KALRN: variants seen among roughly 807,000 people sequenced by gnomAD.
The protein encoded by KALRN is kalirin RhoGEF kinase, also known as kalirin.
A neutral mutation model predicts 353.7 loss-of-function variants in KALRN; 70 were observed. The ratio of observed to expected loss-of-function variants is 0.20; its 90% confidence interval spans 0.16 to 0.24. The LOEUF (loss-of-function observed/expected upper bound fraction) is 0.24, where lower values mean the gene tolerates loss of function less well. KALRN is among the 10% of genes least tolerant of loss of function. The probability of loss-of-function intolerance (pLI) is 1.00; values close to 1 mark genes in which losing one functional copy is unlikely to be tolerated. For missense variants in KALRN, 2,791 were observed against 3,756.7 expected, an observed-to-expected ratio of 0.74 and a Z score of 6.72; for synonymous variants, 1,391 against 1,434.8, an observed-to-expected ratio of 0.97 and a Z score of 0.69.
chr3:124,144,554 ATCC>A (rs898679699), intron 1 of KALRN, among the ~76,000 whole-genome samples: 5 of 120,714 alleles, frequency 4.1e-5, no homozygotes, highest in Non-Finnish European at 7.1e-5. Flanking sequence ...CTTCCTCATC[ATCC>A]TCCTCCTCCT....
At chr3:124,587,633 T>C (rs1478767151) in intron 34 of KALRN, among the ~76,000 whole-genome samples, 3 of 151,898 alleles carry the variant, frequency 2.0e-5, no homozygotes, top group Non-Finnish European at 2.9e-5. Context: ...ACTGAACTTA[T>C]CTTTTGATTT....
intron 6 of KALRN, among the ~76,000 whole-genome samples, chr3:124,303,703 T>C (rs896658670): frequency 4.6e-5 from 7 of 152,244 alleles, no homozygotes; most frequent in Admixed American, 4.6e-4. Context: ...CTATTATGAC[T>C]GTGAGGATTC....
At chr3:124,411,141 G>A (rs2092115111) in intron 13 of KALRN, among the ~76,000 whole-genome samples, 1 of 152,018 alleles carries the variant, frequency 6.6e-6, no homozygotes, top group African/African-American at 2.4e-5. Flanking sequence ...TCTAGAATAG[G>A]CAAAACTACA....
intron 13 of KALRN, among the ~76,000 whole-genome samples, chr3:124,411,977 AC>A (rs2092200813): frequency 6.6e-6 from 1 of 152,098 alleles, no homozygotes; most frequent in East Asian, 1.9e-4. Flanking sequence ...TGAAGTGAGA[AC>A]CTAGGGCAGT....
At chr3:124,290,384 T>C (rs2149133577) in intron 5 of KALRN, among the ~76,000 whole-genome samples, 1 of 152,280 alleles carries the variant, frequency 6.6e-6, no homozygotes, top group South Asian at 2.1e-4. Flanking sequence ...CTGGGTTTCA[T>C]CGTGGGTGTC....
intron 39 of KALRN, among the ~76,000 whole-genome samples, chr3:124,656,594 G>C (rs1388770912): frequency 9.2e-5 from 14 of 152,110 alleles, no homozygotes; most frequent in Non-Finnish European, 1.3e-4. Flanking sequence ...CTGGGCGACA[G>C]AGCAAGACTC....
At chr3:124,661,089 A>G (rs938386118) in intron 44 of KALRN, 116 bp downstream of exon 44, 1 of 779,576 alleles carries the variant, frequency 1.3e-6, no homozygotes, top group Non-Finnish European at 2.3e-6. Flanking sequence ...CCTCTCAGAC[A>G]GTAAGAGGCT....
chr3:124,283,855 C>T (rs1181388212), intron 5 of KALRN, among the ~76,000 whole-genome samples: 1 of 152,114 alleles, frequency 6.6e-6, no homozygotes, highest in Admixed American at 6.6e-5. Context: ...GTTTCGCAGT[C>T]TTAGTTTCTC....
At chr3:124,379,557 T>G (rs2087039761) in intron 10 of KALRN, among the ~76,000 whole-genome samples, 1 of 152,210 alleles carries the variant, frequency 6.6e-6, no homozygotes, top group Non-Finnish European at 1.5e-5. Context: ...TAAAATGTAC[T>G]AGGCAGGACC....
At chr3:124,299,234 A>T (rs1266407366) in intron 6 of KALRN, among the ~76,000 whole-genome samples, 3 of 152,180 alleles carry the variant, frequency 2.0e-5, no homozygotes. Flanking sequence ...TTTGGTCCCC[A>T]GCATGTGTGA....
intron 11 of KALRN, among the ~76,000 whole-genome samples, chr3:124,393,772 CA>C (rs1378152469): frequency 6.6e-6 from 1 of 152,178 alleles, no homozygotes; most frequent in Non-Finnish European, 1.5e-5. Context: ...CTCACCTGTA[CA>C]AAAAGGACAT....
At chr3:124,101,608 G>T (rs1488091667) in intron 1 of KALRN, among the ~76,000 whole-genome samples, 2 of 152,196 alleles carry the variant, frequency 1.3e-5, no homozygotes, top group Non-Finnish European at 2.9e-5. Flanking sequence ...TCAAGAGGCA[G>T]CTGGACCTCA....
intron 10 of KALRN, among the ~76,000 whole-genome samples, chr3:124,359,091 A>G: frequency 6.6e-6 from 1 of 152,172 alleles, no homozygotes; most frequent in East Asian, 1.9e-4. Context: ...CTTGCCTCTA[A>G]GATTTTCATC....
At chr3:124,444,905 C>G (rs1384148403) in intron 19 of KALRN, among the ~76,000 whole-genome samples, 1 of 151,866 alleles carries the variant, frequency 6.6e-6, no homozygotes, top group African/African-American at 2.4e-5. Flanking sequence ...GAAAGCCAAA[C>G]TTGGCTGGGG....
At chr3:124,464,375 C>T (rs1336235826) in intron 25 of KALRN, among the ~76,000 whole-genome samples, 2 of 152,218 alleles carry the variant, frequency 1.3e-5, no homozygotes, top group African/African-American at 4.8e-5. Flanking sequence ...AAATAGCTAA[C>T]ATAATCATGC....
chr3:124,051,207 GTC>G, intron 1 of KALRN, among the ~76,000 whole-genome samples: 1 of 152,350 alleles, frequency 6.6e-6, no homozygotes, highest in East Asian at 1.9e-4. Flanking sequence ...ATATGACGCA[GTC>G]TCTGTCTTCA....
intron 1 of KALRN, among the ~76,000 whole-genome samples, chr3:124,070,185 C>T (rs2059946425): frequency 2.0e-5 from 3 of 152,164 alleles, no homozygotes; most frequent in African/African-American, 7.2e-5. Flanking sequence ...CGCTTATGGA[C>T]AGAGACAACT....
Position 124,398,794 on chromosome 3 carries a change from G to C in KALRN, c.2269G>C (p.Glu757Gln). ...QQLDDAQVQMEELFHERKIKL... is the reference protein window; with the variant it reads ...QQLDDAQVQMQELFHERKIKL... ...GCTTGATGATGCCCAGGTGCAGATG[G>C]AGGAGCTGTTCCACGAGCGGAAGAT... Residue 757 changes from glutamate (E) to glutamine (Q), a missense_variant, in exon 13 of 60, where the codon GAG (glutamate) becomes CAG (glutamine). By Grantham distance (29) the Glu-to-Gln change is conservative (BLOSUM62 2). Transcript: ENST00000682506. 1 of 1,614,180 alleles carries C rather than the reference G, an allele frequency of 6.2e-7. No individual in the cohort carries two copies. The highest frequency in any genetic ancestry group is 1.3e-5 in the African/African-American group (1 of 75,048).
rs111472457 is a variant in KALRN at position 124,329,935 on chromosome 3, G to A, written c.1359G>A (p.Glu453=). 1 of 1,613,948 alleles carries A rather than the reference G, an allele frequency of 6.2e-7. No individual in the cohort carries two copies. Among genetic ancestry groups the A allele is most frequent in the East Asian group, 2.2e-5 (1 of 44,852 alleles). The change falls in exon 8 of 60, where the codon GAG becomes GAA. Residue 453 remains glutamate (E), a synonymous_variant. Transcript: ENST00000682506. ...TGCCATCCGAGATGCAAGACCTAGA[G>A]CTGGCAATCCACCACCACCAGACCT... ...GGLPSEMQDL[E]LAIHHHQTLY...
Sources: allele counts gnomAD v4.1 joint callset (sites outside exome capture counted in the v4.1 genomes callset), GRCh38; gene constraint gnomAD v4.1.1; transcripts MANE v1.5; gene names NCBI Gene and HGNC (gene_info 2026-07-23, HGNC 2026-07-21).